CCDC81: variants seen among roughly 807,000 people sequenced by gnomAD.
CCDC81 encodes the protein coiled-coil domain containing 81.
Under a neutral mutation model 83.7 loss-of-function variants are expected in CCDC81, and 79 were observed. That is an observed-to-expected ratio of 0.94 (90% CI 0.79 to 1.14). The LOEUF (loss-of-function observed/expected upper bound fraction) is 1.14, where lower values mean the gene tolerates loss of function less well. Ranked by LOEUF, CCDC81 falls within the 50% of genes most tolerant of loss-of-function variation. CCDC81 has a pLI of 0.00. For missense variants in CCDC81, 791 were observed against 778.1 expected (o/e 1.02, Z -0.20); for synonymous variants, 252 against 278.1 (o/e 0.91, Z 0.93).
intron 7 of CCDC81, among the ~76,000 whole-genome samples, chr11:86,403,405 C>A (rs920681491): frequency 1.3e-5 from 2 of 151,722 alleles, no homozygotes; most frequent in Non-Finnish European, 2.9e-5. Context: ...TAAAATATAT[C>A]TTTTCTGATT....
intron 3 of CCDC81, 125 bp from the exon 4 acceptor site, chr11:86,392,416 G>C: frequency 2.7e-6 from 3 of 1,131,726 alleles, no homozygotes; most frequent in Non-Finnish European, 2.4e-6. Context: ...ACAACTAAAA[G>C]CTTCATCCAG....
chr11:86,409,409 G>C (rs1305861564), intron 10 of CCDC81, 44 bp downstream of exon 10: 1 of 970,602 alleles, frequency 1.0e-6, no homozygotes. Context: ...TGGCCCATCT[G>C]TGAGCCTTTG....
At chr11:86,416,139 T>C (rs1464773912) in intron 13 of CCDC81, among the ~76,000 whole-genome samples, 1 of 152,254 alleles carries the variant, frequency 6.6e-6, no homozygotes, top group Non-Finnish European at 1.5e-5. Context: ...TCCAAATCTT[T>C]TGCTTATTTT....
intron 6 of CCDC81, among the ~76,000 whole-genome samples, chr11:86,399,644 T>C (rs1195093644): frequency 6.6e-6 from 1 of 151,874 alleles, no homozygotes; most frequent in African/African-American, 2.4e-5. Context: ...ATGCCTGCCC[T>C]TCCCCAACTT....
At chr11:86,391,519 ACCC>A (rs1196059582) in intron 3 of CCDC81, among the ~76,000 whole-genome samples, 1 of 151,944 alleles carries the variant, frequency 6.6e-6, no homozygotes, top group East Asian at 1.9e-4. Context: ...AGTTGGATAG[ACCC>A]TGTGCTTCTT....
In CCDC81 at chr11:86,421,694, A is replaced by T. The variant is rs538880649; in HGVS notation, c.1818-880A>T. ...CACTTTAGGAGGCTGAGGCAGATGG[A>T]TTGCTAGAGTTCAGAAGTTTGAGAC... On this transcript the variant is annotated intron_variant, in intron 14 of 14. Coordinates refer to ENST00000445632, the MANE Select transcript of CCDC81 (RefSeq NM_001156474.2). Among the ~76,000 whole-genome samples the T allele has an allele frequency of 5.3e-5, 8 of 152,292 alleles. No homozygotes were observed. The East Asian group carries it at 1.6e-3, about 30-fold the overall frequency.
At chr11:86,415,882 C>A (rs1948712802) in intron 13 of CCDC81, among the ~76,000 whole-genome samples, 1 of 152,172 alleles carries the variant, frequency 6.6e-6, no homozygotes, top group African/African-American at 2.4e-5. Flanking sequence ...CTATGTTACC[C>A]AGGCTGGTCT....
chr11:86,401,335 T>C (rs1948484023), intron 7 of CCDC81, among the ~76,000 whole-genome samples: 1 of 152,198 alleles, frequency 6.6e-6, no homozygotes, highest in Admixed American at 6.5e-5. Flanking sequence ...GGATACTTTT[T>C]AAGACCTCAA....
intron 7 of CCDC81, among the ~76,000 whole-genome samples, chr11:86,403,013 A>ATTTTTTTTTT (rs545083032): frequency 1.9e-4 from 21 of 112,490 alleles, no homozygotes; most frequent in Non-Finnish European, 2.5e-4. Flanking sequence ...TAATTTTTTG[A>ATTTTTTTTTT]TTTTTTTTTT....
chr11:86,397,533 C>G, intron 5 of CCDC81, 88 bp from the exon 6 acceptor site: 1 of 1,486,556 alleles, frequency 6.7e-7, no homozygotes, highest in Non-Finnish European at 9.0e-7. Flanking sequence ...AATCAGCCAG[C>G]TGGCTGGGTT....
chr11:86,397,070 T>C (rs10431169), intron 5 of CCDC81, among the ~76,000 whole-genome samples: 14,064 of 137,072 alleles, frequency 0.1, 928 homozygotes, highest in East Asian at 0.28. Context: ...ACTCCATACC[T>C]GAGGCCAAAG....
chr11:86,400,864 G>C lies in CCDC81; in HGVS notation c.881+63G>C, dbSNP rs1402216899. On this transcript the variant is annotated intron_variant, in intron 7 of 14. Transcript: ENST00000445632. Reference sequence around the variant, plus strand: ...TAAATATATTTTTGAGTCGTTGCTTGATGCGGGGAACTGTAATTGTTCATT... The same window carrying C: ...TAAATATATTTTTGAGTCGTTGCTTCATGCGGGGAACTGTAATTGTTCATT... 4 of 1,475,872 alleles carry C rather than the reference G, an allele frequency of 2.7e-6. No individual in the cohort carries two copies. In the African/African-American group the frequency reaches 4.2e-5, roughly 16 times the overall value. The allele number at this position is 1,475,872 out of a possible 1,614,324, so 91.4% of individuals were successfully genotyped here.
chr11:86,387,906 C>T (rs1480719481), intron 3 of CCDC81, among the ~76,000 whole-genome samples: 1 of 152,002 alleles, frequency 6.6e-6, no homozygotes, highest in African/African-American at 2.4e-5. Flanking sequence ...CCTGATGTAA[C>T]GTAAAGGAAA....
At position 86,375,218 on chromosome 11, in the gene CCDC81, A is replaced by T; in HGVS notation, c.55A>T (p.Thr19Ser). The T allele has an allele frequency of 6.2e-7, 1 of 1,612,048 alleles. No individual in the cohort carries two copies. Among genetic ancestry groups the T allele is most frequent in the Non-Finnish European group, 8.5e-7 (1 of 1,179,778 alleles). ...LQDLGRQVLP[T>S]LPSLSQEEVS... ...GGACCTGGGCAGGCAGGTGCTGCCCACTCTGCCCTCGCTGAGCCAGGAGGG... is the reference window on the plus strand; with the variant it reads ...GGACCTGGGCAGGCAGGTGCTGCCCTCTCTGCCCTCGCTGAGCCAGGAGGG... Residue 19 changes from threonine to serine, a missense_variant, in exon 1 of 15, where the codon ACT becomes TCT. By Grantham distance (58) the Thr-to-Ser change is moderately conservative (BLOSUM62 1). Coordinates refer to ENST00000445632, the MANE Select transcript of CCDC81 (RefSeq NM_001156474.2).
intron 3 of CCDC81, among the ~76,000 whole-genome samples, chr11:86,389,589 A>C (rs1195292578): frequency 6.6e-6 from 1 of 152,096 alleles, no homozygotes; most frequent in Non-Finnish European, 1.5e-5. Flanking sequence ...CACACTTTTA[A>C]ACCATGAGAT....
chr11:86,395,264 T>C, intron 4 of CCDC81, 70 bp from the exon 5 acceptor site: 2 of 1,210,914 alleles, frequency 1.7e-6, no homozygotes, highest in Non-Finnish European at 2.4e-6. Context: ...CCTATGAGCC[T>C]GCAGTTTTTA....
At chr11:86,418,910 T>G (rs1279658825) in intron 13 of CCDC81, among the ~76,000 whole-genome samples, 1 of 152,110 alleles carries the variant, frequency 6.6e-6, no homozygotes, top group African/African-American at 2.4e-5. Context: ...AAAAATAACT[T>G]ATGAAAAAAG....
chr11:86,392,560 A>T lies in CCDC81; in HGVS notation c.318A>T (p.Pro106=). The T allele has an allele frequency of 6.4e-7, 1 of 1,551,324 alleles. No homozygotes were observed. The highest frequency in any genetic ancestry group is 8.7e-7 in the Non-Finnish European group (1 of 1,146,800). The change falls in exon 4 of 15, where the codon CCA becomes CCT. Residue 106 remains proline, a synonymous_variant. Transcript: ENST00000445632. ...CTTTAGGTGAAATCCCAATTGTTCC[A>T]CTTAATTTTGTCATGATATCCCTGG... ...VYTPGEIPIV[P]LNFVMISLEG... is the part of the protein sequence containing the mutation.
chr11:86,400,011 A>G (rs1192982947), intron 6 of CCDC81, among the ~76,000 whole-genome samples: 1 of 151,566 alleles, frequency 6.6e-6, no homozygotes, highest in Non-Finnish European at 1.5e-5. Context: ...TGCACCTGTT[A>G]TTCCAGCTAC....
Sources: gnomAD v4.1 joint callset for allele counts (sites outside exome capture counted in the v4.1 genomes callset) on GRCh38, gnomAD v4.1.1 for gene constraint, MANE v1.5 for transcripts, NCBI Gene and HGNC (gene_info 2026-07-23, HGNC 2026-07-21) for gene names.